RHOT1: variants seen among roughly 807,000 people sequenced by gnomAD.
RHOT1 encodes ras homolog family member T1.
In RHOT1, 27 loss-of-function variants were observed where a neutral mutation model predicts 95.3. The observed-to-expected ratio is 0.28, with a 90% CI of 0.21 to 0.39. The LOEUF is 0.39. Ranked by LOEUF, RHOT1 falls within the 10% of genes least tolerant of loss-of-function variation. The probability of loss-of-function intolerance (pLI) is 1.00; values close to 1 mark genes in which losing one functional copy is unlikely to be tolerated. For synonymous variants in RHOT1, 227 were observed against 263.5 expected (o/e 0.86, Z 1.34); for missense variants, 578 against 786.7 (o/e 0.73, Z 3.17).
intron 6 of RHOT1, among the ~76,000 whole-genome samples, chr17:32,177,353 T>C (rs1403080826): frequency 6.6e-6 from 1 of 152,232 alleles, no homozygotes; most frequent in African/African-American, 2.4e-5. Context: ...TCCATCATCA[T>C]AGAATGTTGT....
intron 6 of RHOT1, among the ~76,000 whole-genome samples, chr17:32,176,791 G>A (rs1389317477): frequency 1.3e-5 from 2 of 151,896 alleles, no homozygotes; most frequent in Admixed American, 6.6e-5. Context: ...GTCTGGTCTC[G>A]AACTCATGAC....
At chr17:32,199,758 A>G (rs1316414611) in intron 13 of RHOT1, among the ~76,000 whole-genome samples, 1 of 152,184 alleles carries the variant, frequency 6.6e-6, no homozygotes, top group Admixed American at 6.5e-5. Context: ...TTTGAATGAT[A>G]TATAGGGAAA....
chr17:32,184,485 ATTTTTTATTT>A (rs1329230307), intron 8 of RHOT1, among the ~76,000 whole-genome samples: 1 of 149,002 alleles, frequency 6.7e-6, no homozygotes, highest in East Asian at 2.0e-4. Flanking sequence ...TATTTTTTTT[ATTTTTTATTT>A]TTTTTTATTT....
chr17:32,208,433 G>A (rs1176038530), intron 18 of RHOT1, 124 bp downstream of exon 18: 3 of 972,098 alleles, frequency 3.1e-6, no homozygotes, highest in Non-Finnish European at 4.7e-6. Context: ...ACTTTGTAAT[G>A]AGAAGGTACA....
At chr17:32,160,756 G>A (rs1259922990) in intron 1 of RHOT1, among the ~76,000 whole-genome samples, 1 of 152,220 alleles carries the variant, frequency 6.6e-6, no homozygotes, top group Non-Finnish European at 1.5e-5. Context: ...GGCGTGCCTG[G>A]CTGTGCACAG....
chr17:32,163,153 G>A (rs1457079770), intron 1 of RHOT1, among the ~76,000 whole-genome samples: 1 of 152,174 alleles, frequency 6.6e-6, no homozygotes, highest in African/African-American at 2.4e-5. Flanking sequence ...GTTTGATCAG[G>A]TGAGTCAGAA....
chr17:32,185,056 A>C (rs1200789955), intron 8 of RHOT1, among the ~76,000 whole-genome samples: 1 of 152,034 alleles, frequency 6.6e-6, no homozygotes, highest in East Asian at 1.9e-4. Context: ...AGTAGCTGGG[A>C]CTATAGGCAC....
intron 13 of RHOT1, among the ~76,000 whole-genome samples, chr17:32,200,602 A>T (rs971010029): frequency 6.6e-6 from 1 of 151,858 alleles, no homozygotes; most frequent in African/African-American, 2.4e-5. Context: ...CTACTAAAAA[A>T]TTTTTTTAAA....
At chr17:32,202,707 T>G (rs2037411494) in intron 14 of RHOT1, 63 bp from the exon 15 acceptor site, 1 of 1,268,368 alleles carries the variant, frequency 7.9e-7, no homozygotes, top group African/African-American at 1.5e-5. Context: ...AAAGGTGGAA[T>G]GGAGGCTTAG....
intron 12 of RHOT1, 133 bp from the exon 13 acceptor site, chr17:32,199,272 T>G (rs2037136819): frequency 2.3e-6 from 2 of 864,540 alleles, no homozygotes; most frequent in Admixed American, 6.5e-5. Context: ...AGGAATTTTC[T>G]TGATAAAATG....
chr17:32,210,628 T>G (rs764496117), intron 18 of RHOT1, among the ~76,000 whole-genome samples: 23 of 152,226 alleles, frequency 1.5e-4, no homozygotes, highest in Non-Finnish European at 1.9e-4. Flanking sequence ...ACACTTGTCT[T>G]TTGACTCATT....
chr17:32,184,132 G>A (rs112162272), intron 8 of RHOT1, among the ~76,000 whole-genome samples: 78 of 152,192 alleles, frequency 5.1e-4, no homozygotes, highest in Non-Finnish European at 9.0e-4. Flanking sequence ...GTACTATTCC[G>A]TGGTTTTTAG....
intron 2 of RHOT1, 30 bp from the exon 3 acceptor site, chr17:32,173,801 T>C: frequency 6.8e-7 from 1 of 1,465,244 alleles, no homozygotes; most frequent in East Asian, 2.3e-5. Context: ...AAAGGTGTTT[T>C]TTTTTTTCTA....
chr17:32,207,158 A>G (rs2037818055), intron 17 of RHOT1, 129 bp downstream of exon 17: 1 of 860,150 alleles, frequency 1.2e-6, no homozygotes, highest in Non-Finnish European at 1.8e-6. Context: ...ATACATCTTT[A>G]CCCTATTCCT....
chr17:32,153,416 T>C (rs1050565773), intron 1 of RHOT1, among the ~76,000 whole-genome samples: 4 of 152,206 alleles, frequency 2.6e-5, no homozygotes, highest in African/African-American at 9.6e-5. Context: ...GCCAGCACTT[T>C]GGGAGGCCAA....
At chr17:32,194,851 C>T (rs571465685) in intron 11 of RHOT1, among the ~76,000 whole-genome samples, 20 of 130,598 alleles carry the variant, frequency 1.5e-4, no homozygotes, top group Non-Finnish European at 2.1e-4. Context: ...TTTTTTCAGA[C>T]GGAGTCTCGC....
chr17:32,203,580 C>T (rs1456783652), intron 15 of RHOT1, among the ~76,000 whole-genome samples: 2 of 152,076 alleles, frequency 1.3e-5, no homozygotes, highest in African/African-American at 4.8e-5. Flanking sequence ...GTATTAATCT[C>T]GATCAGACCA....
At position 32,197,314 on chromosome 17, in the gene RHOT1, C is replaced by T. The variant is rs147688112; in HGVS notation, c.870-1633C>T. Among the ~76,000 whole-genome samples the T allele has an allele frequency of 4.9e-3, 735 of 151,258 alleles. 7 individuals are homozygous for T. Among genetic ancestry groups the T allele is most frequent in the African/African-American group, 0.017 (686 of 41,280 alleles). ...CACAATCTTGGCTCGCTGCAACCTCCGTCTCCTGGGTTCAATCACTTCTCC... is the reference window on the plus strand; with the variant it reads ...CACAATCTTGGCTCGCTGCAACCTCTGTCTCCTGGGTTCAATCACTTCTCC... On this transcript the variant is annotated intron_variant, in intron 11 of 19. Coordinates refer to ENST00000545287, the MANE Select transcript of RHOT1 (RefSeq NM_001033566.3).
intron 14 of RHOT1, among the ~76,000 whole-genome samples, chr17:32,202,145 T>G (rs1414225172): frequency 6.6e-6 from 1 of 152,158 alleles, no homozygotes; most frequent in Non-Finnish European, 1.5e-5. Flanking sequence ...CTCTTGACCT[T>G]GTGATCTGCC....
Sources: allele counts gnomAD v4.1 joint callset (sites outside exome capture counted in the v4.1 genomes callset), GRCh38; gene constraint gnomAD v4.1.1; transcripts MANE v1.5; gene names NCBI Gene and HGNC (gene_info 2026-07-23, HGNC 2026-07-21).